Variants in CCDC102B observed in about 807,000 individuals in gnomAD.
CCDC102B encodes the protein coiled-coil domain containing 102B.
In CCDC102B, 75 loss-of-function variants were observed where a neutral mutation model predicts 57.4. The ratio of observed to expected loss-of-function variants is 1.31; its 90% CI spans 1.08 to 1.58. The LOEUF (loss-of-function observed/expected upper bound fraction) is 1.58, where lower values mean the gene tolerates loss of function less well. Ranked by LOEUF, CCDC102B falls within the 40% of genes most tolerant of loss-of-function variation. The pLI is 0.00. For missense variants in CCDC102B, 636 were observed against 582.6 expected, an observed-to-expected ratio of 1.09 and a Z score of -0.94; for synonymous variants, 206 against 201.9, an observed-to-expected ratio of 1.02 and a Z score of -0.17.
At chr18:68,878,193 C>T (rs1238516303) in intron 5 of CCDC102B, among the ~76,000 whole-genome samples, 1 of 152,082 alleles carries the variant, frequency 6.6e-6, no homozygotes, top group African/African-American at 2.4e-5. Flanking sequence ...GCCTCCTGGG[C>T]TCAGGCAATT....
intron 2 of CCDC102B, among the ~76,000 whole-genome samples, chr18:68,782,254 T>C (rs2035029475): frequency 6.6e-6 from 1 of 152,144 alleles, no homozygotes; most frequent in African/African-American, 2.4e-5. Flanking sequence ...ACTTATTTGG[T>C]GCATTTTAGA....
At chr18:68,889,193 G>A (rs1438717468) in intron 5 of CCDC102B, among the ~76,000 whole-genome samples, 2 of 152,104 alleles carry the variant, frequency 1.3e-5, no homozygotes, top group African/African-American at 4.8e-5. Context: ...GTTTTAGAAG[G>A]TGGGATGTTT....
At chr18:68,870,433 A>G (rs1180547986) in intron 4 of CCDC102B, among the ~76,000 whole-genome samples, 2 of 152,220 alleles carry the variant, frequency 1.3e-5, no homozygotes, top group African/African-American at 4.8e-5. Flanking sequence ...CCTAAATGGA[A>G]AGTATCGAGC....
At chr18:69,004,750 G>T (rs375086387) in intron 6 of CCDC102B, among the ~76,000 whole-genome samples, 1 of 151,990 alleles carries the variant, frequency 6.6e-6, no homozygotes, top group African/African-American at 2.4e-5. Context: ...GTTAGAGATC[G>T]TATCTAACTA....
intron 2 of CCDC102B, among the ~76,000 whole-genome samples, chr18:68,762,401 T>G (rs189709852): frequency 1.3e-5 from 2 of 152,262 alleles, no homozygotes; most frequent in East Asian, 1.9e-4. Context: ...GTTTGTTTTT[T>G]GTTTTTGGTT....
chr18:68,815,707 CTG>C (rs1320354376), intron 1 of CCDC102B, among the ~76,000 whole-genome samples: 47 of 146,832 alleles, frequency 3.2e-4, no homozygotes, highest in Admixed American at 1.1e-3. Flanking sequence ...CACACACACA[CTG>C]AACTCTGGTT....
downstream of CCDC102B, among the ~76,000 whole-genome samples, chr18:69,055,597 T>C (rs980914795): frequency 3.3e-5 from 5 of 151,956 alleles, no homozygotes; most frequent in African/African-American, 1.2e-4. Flanking sequence ...CCAAATACAG[T>C]TTGGAGAAGC....
chr18:68,981,245 A>C (rs1183844729), intron 6 of CCDC102B, among the ~76,000 whole-genome samples: 1 of 152,056 alleles, frequency 6.6e-6, no homozygotes, highest in African/African-American at 2.4e-5. Flanking sequence ...ACGCAGAGAA[A>C]GGGAAAGGAG....
At chr18:69,018,330 A>T (rs2051728053) in intron 7 of CCDC102B, among the ~76,000 whole-genome samples, 1 of 152,162 alleles carries the variant, frequency 6.6e-6, no homozygotes, top group Admixed American at 6.5e-5. Flanking sequence ...TTTTTAATTT[A>T]AATTTTTTGG....
At chr18:68,896,961 A>G (rs760907887) in intron 5 of CCDC102B, among the ~76,000 whole-genome samples, 5 of 152,140 alleles carry the variant, frequency 3.3e-5, no homozygotes, top group Non-Finnish European at 7.4e-5. Context: ...CTTGACACAT[A>G]TATTTGAAAA....
chr18:69,046,777 G>A (rs112935871), intron 7 of CCDC102B, among the ~76,000 whole-genome samples: 3,095 of 152,100 alleles, frequency 0.02, 102 homozygotes, highest in African/African-American at 0.07. Flanking sequence ...TTTGTATATG[G>A]TATAAAGAAG....
At chr18:69,028,650 C>A (rs1171412975) in intron 7 of CCDC102B, among the ~76,000 whole-genome samples, 1 of 152,026 alleles carries the variant, frequency 6.6e-6, no homozygotes, top group Non-Finnish European at 1.5e-5. Flanking sequence ...CACACACACA[C>A]ACAAAATTCA....
At chr18:69,023,470 T>C (rs188847180) in intron 7 of CCDC102B, among the ~76,000 whole-genome samples, 1 of 151,932 alleles carries the variant, frequency 6.6e-6, no homozygotes, top group Non-Finnish European at 1.5e-5. Flanking sequence ...TACTTCAGAA[T>C]TTAACAAATA....
At chr18:68,925,916 G>GA (rs1335872515) in intron 6 of CCDC102B, among the ~76,000 whole-genome samples, 42 of 151,878 alleles carry the variant, frequency 2.8e-4, no homozygotes, top group Middle Eastern at 3.4e-3. Flanking sequence ...ATTTTTTAAA[G>GA]AAAACAATAA....
At chr18:68,734,124 A>G (rs1037756473) in intron 2 of CCDC102B, among the ~76,000 whole-genome samples, 1 of 152,246 alleles carries the variant, frequency 6.6e-6, no homozygotes, top group African/African-American at 2.4e-5. Context: ...ACTACTAAGA[A>G]GCTTAAAAAG....
rs928721131 is a variant in CCDC102B at position 69,037,846 on chromosome 18, G to A, written c.1435-16184G>A. On this transcript the variant is annotated intron_variant, in intron 7 of 7. Coordinates refer to ENST00000360242, the MANE Select transcript of CCDC102B (RefSeq NM_024781.3). ...AATTTGTAGCACTGGGGGCTATTGCGGGACTTGTTACGTGAGACTAAATGG... is the reference window on the plus strand; with the variant it reads ...AATTTGTAGCACTGGGGGCTATTGCAGGACTTGTTACGTGAGACTAAATGG... Among the ~76,000 whole-genome samples, 8 of 151,924 alleles carry A rather than the reference G, an allele frequency of 5.3e-5. No homozygotes were observed. In the South Asian group the frequency reaches 1.0e-3, roughly 20 times the overall value.
At chr18:68,825,129 A>G (rs919674008) in intron 1 of CCDC102B, among the ~76,000 whole-genome samples, 1 of 152,244 alleles carries the variant, frequency 6.6e-6, no homozygotes, top group Non-Finnish European at 1.5e-5. Flanking sequence ...TTACTCTTAT[A>G]TAAAGGTAAA....
chr18:68,864,287 T>C (rs2038882657), intron 4 of CCDC102B, among the ~76,000 whole-genome samples: 1 of 151,970 alleles, frequency 6.6e-6, no homozygotes, highest in Non-Finnish European at 1.5e-5. Flanking sequence ...TCCTATATTT[T>C]CTATTCTTTC....
chr18:68,761,641 C>T (rs2034257313), intron 2 of CCDC102B, among the ~76,000 whole-genome samples: 2 of 151,828 alleles, frequency 1.3e-5, no homozygotes, highest in South Asian at 4.2e-4. Flanking sequence ...TAGCTTTGTG[C>T]TTTAACATCT....
Sources: gnomAD v4.1 joint callset for allele counts (sites outside exome capture counted in the v4.1 genomes callset) on GRCh38, gnomAD v4.1.1 for gene constraint, MANE v1.5 for transcripts, NCBI Gene and HGNC (gene_info 2026-07-23, HGNC 2026-07-21) for gene names.